The following SLC26A3 variants were observed in gnomAD, a reference collection of about 807,000 sequenced individuals.
SLC26A3 encodes the protein solute carrier family 26 member 3.
In SLC26A3, 64 loss-of-function variants were observed where a neutral mutation model predicts 85.6. That is an observed-to-expected ratio of 0.75 (90% CI 0.61 to 0.92). The LOEUF (loss-of-function observed/expected upper bound fraction) is 0.92, where lower values mean the gene tolerates loss of function less well. Ranked by LOEUF, SLC26A3 falls within the 40% of genes least tolerant of loss-of-function variation. SLC26A3 has a pLI of 0.00. For missense variants in SLC26A3, 922 were observed against 927.3 expected (o/e 0.99, Z 0.07); for synonymous variants, 349 against 336.0 (o/e 1.04, Z -0.42).
rs1202823886 is a variant in SLC26A3 at position 107,783,063 on chromosome 7, C to G, written c.1150G>C (p.Val384Leu). The G allele has an allele frequency of 6.2e-7, 1 of 1,614,192 alleles. No homozygotes were observed. The highest frequency in any genetic ancestry group is 2.2e-5 in the East Asian group (1 of 44,886). The stretch of plus-strand genomic sequence containing the variant: ...GCAAATCCTCTGAATACTCCACAGA[C>G]TATGTTACCCAGTCCCAAGGCTATT... ...ELIALGLGNI[V>L]CGVFRGFAGS... The change falls in exon 10 of 21, where the codon GTC (valine) becomes CTC (leucine). Residue 384 changes from valine to leucine, a missense_variant. By Grantham distance (32) the Val-to-Leu change is conservative. Coordinates refer to ENST00000340010, the MANE Select transcript of SLC26A3 (RefSeq NM_000111.3).
At position 107,793,880 on chromosome 7, in the gene SLC26A3, A is replaced by G. The variant is rs775625844; in HGVS notation, c.133T>C (p.Cys45Arg). 1 of 1,614,138 alleles carries G rather than the reference A, an allele frequency of 6.2e-7. No homozygotes were observed. Among genetic ancestry groups the G allele is most frequent in the Non-Finnish European group, 8.5e-7 (1 of 1,179,974 alleles). ...FLDHLKVCCS[C>R]SPQKAKRIVL... ...ATTCTCTTGGCCTTTTGTGGGGAAC[A>G]GCTGAAAACATGGAAAGCCACAGGT... Residue 45 changes from cysteine to arginine, a missense_variant and splice_region_variant, in exon 3 of 21, where the codon TGT becomes CGT. Transcript: ENST00000340010.
At chr7:107,801,916 C>T (rs1159948386) in intron 1 of SLC26A3, among the ~76,000 whole-genome samples, 1 of 121,452 alleles carries the variant, frequency 8.2e-6, no homozygotes, top group African/African-American at 3.6e-5. Context: ...CCCGTCTCTA[C>T]TGAAAATACA....
Position 107,778,178 on chromosome 7 carries a change from T to C in SLC26A3, c.1511A>G (p.Gln504Arg). The C allele has an allele frequency of 6.2e-7, 1 of 1,610,738 alleles. No homozygotes were observed. Among genetic ancestry groups the C allele is most frequent in the Non-Finnish European group, 8.5e-7 (1 of 1,177,110 alleles). Residue 504 changes from glutamine to arginine, a missense_variant, in exon 13 of 21, where the codon CAA (glutamine) becomes CGA (arginine). Transcript: ENST00000340010. The part of the protein sequence containing the change: ...FQLLTIVFRT[Q>R]FPKCSTLANI... ...GCAGAGCACTTTGAGCACTCACAAT[T>C]GGGTCCTGAACACGATGGTTAGCAG...
intron 18 of SLC26A3, among the ~76,000 whole-genome samples, chr7:107,769,085 A>G (rs1793962073): frequency 6.6e-6 from 1 of 152,212 alleles, no homozygotes; most frequent in South Asian, 2.1e-4. Context: ...TCTGGGATCA[A>G]GGGGATGTTT....
In SLC26A3 at chr7:107,794,497, A is replaced by C. The variant is rs763684294; in HGVS notation, c.13T>G (p.Phe5Val). The C allele has an allele frequency of 3.7e-6, 6 of 1,614,042 alleles. No individual in the cohort carries two copies. The South Asian group carries it at 6.6e-5, about 18-fold the overall frequency. Residue 5 changes from phenylalanine to valine, a missense_variant, in exon 2 of 21, where the codon TTT (phenylalanine) becomes GTT (valine). Phe to Val is a conservative substitution (Grantham distance 50). Transcript: ENST00000340010. ...CTGGCCACAATATACTGATTCCCAA[A>C]GGGTTCAATCATTTTGATTTTTCTG... MIEP[F>V]GNQYIVARPV...
intron 5 of SLC26A3, 44 bp from the exon 6 acceptor site, chr7:107,789,732 T>C: frequency 6.3e-7 from 1 of 1,585,902 alleles, no homozygotes; most frequent in South Asian, 1.1e-5. Flanking sequence ...ATTAGGAGTA[T>C]ACCTCAGCAA....
At chr7:107,793,475 G>C (rs1353280620) in intron 3 of SLC26A3, among the ~76,000 whole-genome samples, 2 of 152,186 alleles carry the variant, frequency 1.3e-5, no homozygotes, top group African/African-American at 2.4e-5. Context: ...ATTACGGTGA[G>C]TGAAAGAAAC....
At chr7:107,786,993 C>T in intron 7 of SLC26A3, 84 bp from the exon 8 acceptor site, 3 of 1,149,566 alleles carry the variant, frequency 2.6e-6, no homozygotes, top group Non-Finnish European at 3.9e-6. Flanking sequence ...TGCCAAAACC[C>T]ACTTCTGTAC....
chr7:107,789,280 C>A (rs980019705), intron 6 of SLC26A3, among the ~76,000 whole-genome samples: 6 of 151,182 alleles, frequency 4.0e-5, no homozygotes, highest in Admixed American at 6.6e-5. Context: ...CCATGCCCGG[C>A]TATTTTTTTT....
intron 18 of SLC26A3, 62 bp downstream of exon 18, chr7:107,771,992 T>G: frequency 3.5e-5 from 38 of 1,081,910 alleles, no homozygotes; most frequent in Non-Finnish European, 5.3e-5. Flanking sequence ...CTGTCTAGAC[T>G]GAGAGTTGGC....
chr7:107,801,067 G>C (rs1312879278), intron 1 of SLC26A3, among the ~76,000 whole-genome samples: 1 of 152,206 alleles, frequency 6.6e-6, no homozygotes, highest in East Asian at 1.9e-4. Flanking sequence ...TTTCTGTAAG[G>C]CTTTGAGATT....
intron 3 of SLC26A3, among the ~76,000 whole-genome samples, chr7:107,792,810 C>A (rs1794425942): frequency 6.6e-6 from 1 of 152,130 alleles, no homozygotes; most frequent in South Asian, 2.1e-4. Flanking sequence ...CAATAATTCA[C>A]AGAATAAAAA....
rs757004284 is a variant in SLC26A3 at position 107,767,916 on chromosome 7, G to GAA, written c.2063-10_2063-9dup. ...GCTTCTCAATGAAGTCATCTGAAGA[G>GAA]AAAAAAACAGTAACTTTTAGGAAGA... is the stretch of plus-strand genomic sequence containing the variant. On this transcript the variant is annotated splice_polypyrimidine_tract_variant and intron_variant, in intron 18 of 20. Coordinates refer to ENST00000340010, the MANE Select transcript of SLC26A3 (RefSeq NM_000111.3). 3.7e-6 allele frequency: 6 copies of GAA among 1,612,378 alleles called. No individual in the cohort carries two copies. In the African/African-American group the frequency reaches 5.3e-5, roughly 14 times the overall value.
At chr7:107,786,786 T>A in intron 8 of SLC26A3, 41 bp downstream of exon 8, 3 of 1,510,610 alleles carry the variant, frequency 2.0e-6, no homozygotes, top group Non-Finnish European at 2.8e-6. Context: ...GCTAACTCTC[T>A]GCTTAGTGCA....
intron 6 of SLC26A3, among the ~76,000 whole-genome samples, chr7:107,788,463 C>T (rs1794334705): frequency 6.6e-6 from 1 of 152,056 alleles, no homozygotes; most frequent in South Asian, 2.1e-4. Flanking sequence ...TGCAAAAAGA[C>T]CCAAGAACTT....
chr7:107,796,590 G>C (rs1382526848), intron 1 of SLC26A3, among the ~76,000 whole-genome samples: 2 of 152,188 alleles, frequency 1.3e-5, no homozygotes, highest in Non-Finnish European at 2.9e-5. Flanking sequence ...GAGGTGACTT[G>C]TGCATTGCTG....
chr7:107,791,653 T>A (rs1008816662), intron 4 of SLC26A3, among the ~76,000 whole-genome samples, 177 bp downstream of exon 4: 1 of 135,684 alleles, frequency 7.4e-6, no homozygotes, highest in African/African-American at 2.9e-5. Context: ...AATAAATAAA[T>A]AAAATGGCTG....
At chr7:107,787,305 C>T (rs1437268761) in intron 7 of SLC26A3, 52 bp downstream of exon 7, 4 of 1,596,800 alleles carry the variant, frequency 2.5e-6, no homozygotes, top group Non-Finnish European at 3.4e-6. Flanking sequence ...GAAGGACTTA[C>T]AACATATAAA....
chr7:107,767,682 A>T (rs1562873313), intron 19 of SLC26A3, 38 bp from the exon 20 acceptor site: 1 of 1,600,196 alleles, frequency 6.2e-7, no homozygotes. Context: ...TTAGGGGCTG[A>T]TTTTTTTTAA....
Sources: gnomAD v4.1 joint callset for allele counts (sites outside exome capture counted in the v4.1 genomes callset) on GRCh38, gnomAD v4.1.1 for gene constraint, MANE v1.5 for transcripts, NCBI Gene and HGNC (gene_info 2026-07-23, HGNC 2026-07-21) for gene names.